The following CHCHD3 variants were observed in gnomAD, a reference collection of about 807,000 sequenced individuals.
CHCHD3 encodes the protein MICOS complex subunit MIC19.
CHCHD3 carries 20 observed loss-of-function variants against 38.2 expected under a neutral mutation model. That is an observed-to-expected ratio of 0.52 (90% CI 0.37 to 0.76). The LOEUF is 0.76. Ranked by LOEUF, CHCHD3 falls within the 30% of genes least tolerant of loss-of-function variation. The pLI is 0.00. For missense variants in CHCHD3, 245 were observed against 279.2 expected, an observed-to-expected ratio of 0.88 and a Z score of 0.87; for synonymous variants, 82 against 100.0, an observed-to-expected ratio of 0.82 and a Z score of 1.07.
intron 6 of CHCHD3, among the ~76,000 whole-genome samples, chr7:132,798,770 T>G (rs10252647): frequency 0.14 from 21,514 of 152,062 alleles, 1,643 homozygotes; most frequent in Middle Eastern, 0.18. Context: ...AGAAGACAGT[T>G]TATTTTTTCC....
chr7:132,834,983 T>C (rs113083086), intron 6 of CHCHD3, among the ~76,000 whole-genome samples: 4,487 of 139,900 alleles, frequency 0.032, 236 homozygotes, highest in African/African-American at 0.11. Flanking sequence ...TTTATTTATT[T>C]ATTTAGAGAC....
At chr7:132,885,565 G>T in intron 5 of CHCHD3, 97 bp downstream of exon 5, 2 of 972,378 alleles carry the variant, frequency 2.1e-6, no homozygotes, top group Non-Finnish European at 1.5e-6. Flanking sequence ...TTTACAACCA[G>T]GAAAAGCAGT....
chr7:133,059,495 C>T (rs1814438839), intron 2 of CHCHD3, among the ~76,000 whole-genome samples: 1 of 152,100 alleles, frequency 6.6e-6, no homozygotes, highest in South Asian at 2.1e-4. Context: ...ACAGCACTCA[C>T]CAAAACTTGT....
At chr7:132,942,898 G>A (rs915774874) in intron 4 of CHCHD3, among the ~76,000 whole-genome samples, 12 of 152,120 alleles carry the variant, frequency 7.9e-5, no homozygotes, top group African/African-American at 2.9e-4. Context: ...CTAGGTATCT[G>A]GTTTGCTGCA....
chr7:132,878,494 A>G (rs7799524), intron 5 of CHCHD3, among the ~76,000 whole-genome samples: 33,135 of 152,126 alleles, frequency 0.22, 3,849 homozygotes, highest in South Asian at 0.26. Context: ...TTAGAATTTA[A>G]TTAGCAACTC....
At chr7:132,816,368 A>C (rs1265206348) in intron 6 of CHCHD3, among the ~76,000 whole-genome samples, 1 of 152,194 alleles carries the variant, frequency 6.6e-6, no homozygotes, top group Non-Finnish European at 1.5e-5. Context: ...TCTGTTTTTA[A>C]AGCTGATTTG....
chr7:132,801,824 C>T (rs2117037219), intron 6 of CHCHD3, among the ~76,000 whole-genome samples: 1 of 152,314 alleles, frequency 6.6e-6, no homozygotes, highest in East Asian at 1.9e-4. Context: ...TAAGACTTAA[C>T]ATTTTAATTT....
intron 4 of CHCHD3, among the ~76,000 whole-genome samples, chr7:132,886,681 T>TAC (rs201956166): frequency 7.6e-5 from 11 of 144,872 alleles, no homozygotes; most frequent in African/African-American, 2.8e-4. Context: ...TACATATATA[T>TAC]ACACACACAC....
At chr7:132,844,251 T>C (rs747525994) in intron 5 of CHCHD3, among the ~76,000 whole-genome samples, 40 of 152,206 alleles carry the variant, frequency 2.6e-4, no homozygotes, top group Admixed American at 2.2e-3. Flanking sequence ...TGAGCCAAGA[T>C]TGTGCCACTG....
intron 4 of CHCHD3, among the ~76,000 whole-genome samples, chr7:132,943,109 A>T (rs1413941130): frequency 2.6e-5 from 4 of 152,200 alleles, no homozygotes; most frequent in African/African-American, 9.6e-5. Context: ...TACCTACTAT[A>T]TCTAAATATT....
At chr7:133,081,732 G>A in intron 1 of CHCHD3, 125 bp downstream of exon 1, 1 of 869,118 alleles carries the variant, frequency 1.2e-6, no homozygotes, top group Non-Finnish European at 1.8e-6. Flanking sequence ...CCAGACACCT[G>A]GGCTTCTGGC....
At chr7:133,054,986 G>GTATA (rs1204442500) in intron 2 of CHCHD3, among the ~76,000 whole-genome samples, 2 of 151,998 alleles carry the variant, frequency 1.3e-5, no homozygotes, top group Non-Finnish European at 2.9e-5. Flanking sequence ...GGAGCTTAAT[G>GTATA]TATAGTAAAG....
intron 4 of CHCHD3, among the ~76,000 whole-genome samples, chr7:132,893,307 G>A (rs976264976): frequency 5.9e-5 from 9 of 152,140 alleles, no homozygotes; most frequent in Admixed American, 2.0e-4. Context: ...ACTTGCGTGG[G>A]GCCTGTAGCC....
Position 132,838,417 on chromosome 7 carries a change from T to C in CHCHD3, c.506A>G (p.Glu169Gly). The C allele has an allele frequency of 6.2e-7, 1 of 1,611,752 alleles. No individual in the cohort carries two copies. Among genetic ancestry groups the C allele is most frequent in the South Asian group, 1.1e-5 (1 of 90,906 alleles). The change falls in exon 6 of 8, where the codon GAG (glutamate) becomes GGG (glycine). Residue 169 changes from glutamate (E) to glycine (G), a missense_variant. Transcript: ENST00000262570. ...TTEQYQKAAE[E>G]VEAKFKRYES... ...AACTTACTTGAACTTTGCTTCCACCTCTTCAGCAGCTTTCTGATATTGTTC... is the reference window on the plus strand; with the variant it reads ...AACTTACTTGAACTTTGCTTCCACCCCTTCAGCAGCTTTCTGATATTGTTC...
intron 2 of CHCHD3, among the ~76,000 whole-genome samples, chr7:133,056,880 A>G (rs1223962648): frequency 6.6e-6 from 1 of 152,244 alleles, no homozygotes; most frequent in Non-Finnish European, 1.5e-5. Context: ...CAACTTGTCC[A>G]TGATCACACA....
intron 6 of CHCHD3, among the ~76,000 whole-genome samples, chr7:132,825,714 T>C (rs1251312296): frequency 1.3e-5 from 2 of 152,212 alleles, no homozygotes; most frequent in African/African-American, 4.8e-5. Flanking sequence ...GTAATGAGAC[T>C]GTGATAATGC....
chr7:132,816,110 T>C (rs1009646261), intron 6 of CHCHD3, among the ~76,000 whole-genome samples: 5 of 152,254 alleles, frequency 3.3e-5, no homozygotes, highest in African/African-American at 1.2e-4. Context: ...TAGTTCAGAC[T>C]GGGCATTTTG....
chr7:132,792,718 T>C (rs1806495048), intron 7 of CHCHD3, among the ~76,000 whole-genome samples: 1 of 152,180 alleles, frequency 6.6e-6, no homozygotes, highest in African/African-American at 2.4e-5. Context: ...ATGGCCCTCA[T>C]GGATCACCTG....
chr7:132,921,778 C>T (rs540179640), intron 4 of CHCHD3, among the ~76,000 whole-genome samples: 58 of 152,344 alleles, frequency 3.8e-4, no homozygotes, highest in African/African-American at 1.4e-3. Context: ...GCCTGAAGGG[C>T]ACTTCTTATC....
Sources: allele counts gnomAD v4.1 joint callset (sites outside exome capture counted in the v4.1 genomes callset), GRCh38; gene constraint gnomAD v4.1.1; transcripts MANE v1.5; gene names NCBI Gene and HGNC (gene_info 2026-07-23, HGNC 2026-07-21).